TLK2: variants seen among roughly 807,000 people sequenced by gnomAD.
The protein encoded by TLK2 is tousled like kinase 2, also known as serine/threonine-protein kinase tousled-like 2.
TLK2 carries 6 observed loss-of-function variants against 117.3 expected under a neutral mutation model. The observed-to-expected ratio is 0.05, with a 90% CI of 0.03 to 0.10. The LOEUF (loss-of-function observed/expected upper bound fraction) is 0.10. Ranked by LOEUF, TLK2 falls within the 10% of genes least tolerant of loss-of-function variation. TLK2 has a pLI of 1.00. For missense variants in TLK2, 299 were observed against 901.2 expected (o/e 0.33, Z 8.56); for synonymous variants, 257 against 316.7 (o/e 0.81, Z 2.00).
intron 11 of TLK2, among the ~76,000 whole-genome samples, chr17:62,569,406 T>A (rs1183249332): frequency 6.6e-6 from 1 of 151,784 alleles, no homozygotes; most frequent in Non-Finnish European, 1.5e-5. Context: ...TAAAATAATT[T>A]TGTTTAAATA....
intron 9 of TLK2, among the ~76,000 whole-genome samples, chr17:62,557,600 C>A (rs1157057334): frequency 6.6e-6 from 1 of 152,044 alleles, no homozygotes; most frequent in Non-Finnish European, 1.5e-5. Flanking sequence ...TGTTTTTATT[C>A]ATCTGGGTGC....
intron 7 of TLK2, chr17:62,550,557 T>G (rs1444465504): frequency 6.6e-6 from 1 of 152,230 alleles, no homozygotes; most frequent in Non-Finnish European, 1.5e-5. Context: ...GAGTACTTAA[T>G]AAATAGTCAT....
chr17:62,472,496 T>C (rs536507987), intron 1 of TLK2, among the ~76,000 whole-genome samples: 1 of 151,814 alleles, frequency 6.6e-6, no homozygotes, highest in East Asian at 2.0e-4. Context: ...CCCAGCACTT[T>C]GGGAGGCCAA....
chr17:62,552,009 T>TCC (rs1326004821), intron 7 of TLK2: 1 of 385,562 alleles, frequency 2.6e-6, no homozygotes, highest in African/African-American at 2.1e-5. Context: ...GGCAAGTTAT[T>TCC]ACAGGAATAA....
At chr17:62,607,989 C>G in intron 20 of TLK2, 52 bp from the exon 21 acceptor site, 1 of 1,476,416 alleles carries the variant, frequency 6.8e-7, no homozygotes, top group Non-Finnish European at 9.3e-7. Context: ...GAATTGTTTT[C>G]TCTATAATTT....
intron 2 of TLK2, among the ~76,000 whole-genome samples, chr17:62,512,283 C>G (rs956891325): frequency 8.1e-6 from 1 of 123,964 alleles, no homozygotes; most frequent in Non-Finnish European, 1.6e-5. Flanking sequence ...GTACAAATGG[C>G]ATGGTCTCGG....
At chr17:62,523,016 A>G (rs2076144400) in intron 4 of TLK2, 118 bp from the exon 5 acceptor site, 2 of 1,108,122 alleles carry the variant, frequency 1.8e-6, no homozygotes, top group Non-Finnish European at 2.5e-6. Flanking sequence ...TGTTACAAGT[A>G]AAGCTGACAC....
At chr17:62,602,747 G>A (rs1186842904) in intron 19 of TLK2, among the ~76,000 whole-genome samples, 1 of 152,128 alleles carries the variant, frequency 6.6e-6, no homozygotes, top group Non-Finnish European at 1.5e-5. Flanking sequence ...CACATCTCTT[G>A]TCACCTGTCT....
chr17:62,606,282 G>A (rs771471941), intron 20 of TLK2, 41 bp downstream of exon 20: 2 of 1,301,358 alleles, frequency 1.5e-6, no homozygotes, highest in Admixed American at 1.8e-5. Flanking sequence ...TCTCTTTCTT[G>A]GGTGGCACAC....
At chr17:62,513,995 T>C (rs2075361975) in intron 2 of TLK2, among the ~76,000 whole-genome samples, 1 of 152,092 alleles carries the variant, frequency 6.6e-6, no homozygotes, top group Non-Finnish European at 1.5e-5. Context: ...GCCAAGGGTC[T>C]GTTTTTATAA....
intron 2 of TLK2, chr17:62,516,758 G>A: frequency 2.6e-6 from 4 of 1,560,654 alleles, no homozygotes; most frequent in Non-Finnish European, 3.5e-6. Context: ...TTCTTCTTAG[G>A]CATCAACATC....
rs118026853 is a variant in TLK2 at position 62,559,803 on chromosome 17, A to G, written c.721-213A>G. On this transcript the variant is annotated intron_variant, in intron 9 of 21. Coordinates refer to ENST00000346027, the MANE Select transcript of TLK2 (RefSeq NM_006852.6). ...AAAACATGCCCAAATTAGTAATTCA[A>G]TTTATCATTTACAAATAGATGATAT... 7.7e-3 allele frequency among the ~76,000 whole-genome samples: 1,170 copies of G among 152,336 alleles called. 4 individuals carry two copies. Among genetic ancestry groups the G allele is most frequent in the Middle Eastern group, 0.014 (4 of 294 alleles).
At chr17:62,594,789 TACACACACACACAC>T (rs143695451) in intron 16 of TLK2, among the ~76,000 whole-genome samples, 294 of 145,108 alleles carry the variant, frequency 2.0e-3, no homozygotes, top group Middle Eastern at 3.6e-3. Context: ...GCAGGGCGGG[TACACACACACACAC>T]ACACACACAC....
At chr17:62,477,070 G>A (rs924134024), upstream of TLK2, among the ~76,000 whole-genome samples, 34 of 151,910 alleles carry the variant, frequency 2.2e-4, 1 homozygote, top group Admixed American at 2.0e-3. Context: ...CAGCCTGGGC[G>A]ACAGAGCGAG....
At chr17:62,509,717 A>G (rs948786945) in intron 2 of TLK2, among the ~76,000 whole-genome samples, 3 of 152,138 alleles carry the variant, frequency 2.0e-5, no homozygotes, top group Admixed American at 2.0e-4. Flanking sequence ...CCTCTCATGA[A>G]TGGGACTAGG....
intron 16 of TLK2, among the ~76,000 whole-genome samples, chr17:62,593,277 G>A (rs375282137): frequency 6.6e-6 from 1 of 152,148 alleles, no homozygotes; most frequent in Non-Finnish European, 1.5e-5. Context: ...TCAGAGTCTA[G>A]GATACTGTTG....
chr17:62,586,256 A>G (rs562595397), intron 16 of TLK2, 30 bp downstream of exon 16: 1 of 1,461,858 alleles, frequency 6.8e-7, no homozygotes, highest in South Asian at 1.2e-5. Context: ...CTGACTTTTT[A>G]AAATTAAATA....
intron 16 of TLK2, among the ~76,000 whole-genome samples, chr17:62,591,843 G>A (rs1309401434): frequency 6.6e-6 from 1 of 152,000 alleles, no homozygotes; most frequent in Non-Finnish European, 1.5e-5. Flanking sequence ...ACCGTACTAC[G>A]GAAAGTGTGT....
At chr17:62,551,441 C>CA (rs1216698466) in intron 7 of TLK2, among the ~76,000 whole-genome samples, 1 of 152,130 alleles carries the variant, frequency 6.6e-6, no homozygotes, top group Non-Finnish European at 1.5e-5. Context: ...TGTGGTGGCT[C>CA]ACGCCTGTAA....
Sources: gnomAD v4.1 joint callset for allele counts (sites outside exome capture counted in the v4.1 genomes callset) on GRCh38, gnomAD v4.1.1 for gene constraint, MANE v1.5 for transcripts, NCBI Gene and HGNC (gene_info 2026-07-23, HGNC 2026-07-21) for gene names.